Variants in LRCH3 observed in about 807,000 individuals in gnomAD.
The protein encoded by LRCH3 is DISP complex protein LRCH3.
In LRCH3, 68 loss-of-function variants were observed where a neutral mutation model predicts 104.5. The ratio of observed to expected loss-of-function variants is 0.65; its 90% CI spans 0.54 to 0.80. LRCH3 has a LOEUF of 0.80. LRCH3 is among the 30% of genes least tolerant of loss of function. The probability of loss-of-function intolerance (pLI) is 0.00; values close to 1 mark genes in which losing one functional copy is unlikely to be tolerated. For missense variants in LRCH3, 951 were observed against 953.9 expected (o/e 1.00, Z 0.04); for synonymous variants, 344 against 361.3 (o/e 0.95, Z 0.54).
chr3:197,852,771 C>G (rs1323425588), intron 13 of LRCH3, 151 bp downstream of exon 13: 10 of 773,086 alleles, frequency 1.3e-5, no homozygotes, highest in African/African-American at 3.5e-5. Context: ...GGAGATGATA[C>G]AAGCCAAGGA....
At chr3:197,804,074 A>G (rs1267734627) in intron 1 of LRCH3, among the ~76,000 whole-genome samples, 1 of 152,108 alleles carries the variant, frequency 6.6e-6, no homozygotes, top group Non-Finnish European at 1.5e-5. Flanking sequence ...CCTGACCAAC[A>G]TGGTGAAACC....
At chr3:197,855,492 A>G (rs1740127574) in intron 14 of LRCH3, among the ~76,000 whole-genome samples, 1 of 152,236 alleles carries the variant, frequency 6.6e-6, no homozygotes, top group Admixed American at 6.5e-5. Context: ...CTTTTTACAA[A>G]TGATTACTGA....
intron 19 of LRCH3, among the ~76,000 whole-genome samples, chr3:197,873,909 TACTTGGGAGGCAGAA>T (rs2109538845): frequency 6.6e-6 from 1 of 151,478 alleles, no homozygotes; most frequent in Admixed American, 6.6e-5. Context: ...TAGTCCCAGC[TACTTGGGAGGCAGAA>T]GCAGGAGAAT....
intron 17 of LRCH3, among the ~76,000 whole-genome samples, chr3:197,869,773 C>T (rs1711878999): frequency 1.5e-5 from 2 of 129,930 alleles, no homozygotes; most frequent in African/African-American, 3.1e-5. Context: ...TGCACTGTAC[C>T]TGCAGGAGGT....
intron 18 of LRCH3, among the ~76,000 whole-genome samples, chr3:197,871,017 CACTT>C (rs1042210069): frequency 9.2e-5 from 14 of 151,758 alleles, no homozygotes; most frequent in African/African-American, 2.9e-4. Context: ...ATAAATATCA[CACTT>C]ACACATATAT....
At chr3:197,833,780 C>T (rs922226274) in intron 8 of LRCH3, among the ~76,000 whole-genome samples, 11 of 152,154 alleles carry the variant, frequency 7.2e-5, no homozygotes, top group African/African-American at 2.7e-4. Context: ...GGTTCACCTT[C>T]ATGGCTTGTG....
intron 1 of LRCH3, among the ~76,000 whole-genome samples, chr3:197,804,381 A>G (rs1732240403): frequency 6.6e-6 from 1 of 152,124 alleles, no homozygotes. Context: ...ACATGGTTAG[A>G]GTTTGATGTT....
intron 1 of LRCH3, among the ~76,000 whole-genome samples, chr3:197,812,056 A>T (rs1034073750): frequency 2.6e-5 from 4 of 152,164 alleles, no homozygotes; most frequent in Non-Finnish European, 4.4e-5. Context: ...ATCCATTTTT[A>T]AGCATCTGTT....
chr3:197,829,734 A>G (rs1735678907), intron 6 of LRCH3, 61 bp downstream of exon 6: 1 of 1,178,106 alleles, frequency 8.5e-7, no homozygotes, highest in South Asian at 1.4e-5. Flanking sequence ...AATAAAATGG[A>G]TACTTAAATT....
chr3:197,871,445 G>C lies in LRCH3; in HGVS notation c.2113G>C (p.Val705Leu). The C allele has an allele frequency of 6.2e-7, 1 of 1,613,696 alleles. No individual in the cohort carries two copies. The highest frequency in any genetic ancestry group is 8.5e-7 in the Non-Finnish European group (1 of 1,179,696). ...ACCTCGATCTGTCCCAAGCATTCAT[G>C]TTCCCTCACCAGCTGTAGTAAGTTG... ...VRPRSVPSIHVPSPAVPKLTM... is the reference protein window; with the variant it reads ...VRPRSVPSIHLPSPAVPKLTM... The change falls in exon 19 of 21, where the codon GTT becomes CTT. Residue 705 changes from valine (V) to leucine (L), a missense_variant. Coordinates refer to ENST00000425562, the MANE Select transcript of LRCH3 (RefSeq NM_001365715.1).
intron 9 of LRCH3, among the ~76,000 whole-genome samples, chr3:197,838,665 T>C (rs1737298201): frequency 1.3e-5 from 2 of 152,248 alleles, no homozygotes; most frequent in African/African-American, 4.8e-5. Context: ...TGGTCTGTAT[T>C]TTAAACCAGT....
intron 19 of LRCH3, among the ~76,000 whole-genome samples, chr3:197,873,032 G>A (rs987408461): frequency 1.3e-5 from 2 of 152,136 alleles, no homozygotes. Flanking sequence ...GGAAGATGAG[G>A]GAGAAAATGC....
chr3:197,851,081 T>C (rs1553923524), intron 12 of LRCH3: 2 of 609,708 alleles, frequency 3.3e-6, no homozygotes, highest in Non-Finnish European at 6.0e-6. Context: ...AGGATTAAAA[T>C]CCTGTGATTA....
intron 17 of LRCH3, among the ~76,000 whole-genome samples, chr3:197,867,535 TG>T (rs1451709611): frequency 2.0e-5 from 3 of 151,662 alleles, no homozygotes; most frequent in South Asian, 2.1e-4. Context: ...CTGTGCAACA[TG>T]GCAAAACCCC....
intron 1 of LRCH3, among the ~76,000 whole-genome samples, chr3:197,803,529 G>C (rs970397916): frequency 7.9e-5 from 12 of 152,146 alleles, no homozygotes; most frequent in Non-Finnish European, 1.3e-4. Context: ...GCCAGGTGTG[G>C]TGATTTGCGC....
intron 8 of LRCH3, among the ~76,000 whole-genome samples, chr3:197,833,713 T>C (rs916082806): frequency 1.3e-5 from 2 of 152,208 alleles, no homozygotes; most frequent in Admixed American, 6.5e-5. Flanking sequence ...TTAAAGTTAA[T>C]GCTGCCTCTT....
chr3:197,807,192 G>GT (rs1732589875), intron 1 of LRCH3, among the ~76,000 whole-genome samples: 1 of 150,336 alleles, frequency 6.7e-6, no homozygotes. Flanking sequence ...CTTGAAGTGA[G>GT]TTTCTTGTAA....
intron 4 of LRCH3, 61 bp downstream of exon 4, chr3:197,820,491 A>T: frequency 9.0e-7 from 1 of 1,115,350 alleles, no homozygotes. Flanking sequence ...AAGCTCTCTC[A>T]GACCAATCAA....
chr3:197,864,610 CAAAAA>C (rs541948003), intron 15 of LRCH3, among the ~76,000 whole-genome samples: 1 of 95,732 alleles, frequency 1.0e-5, no homozygotes, highest in Non-Finnish European at 2.1e-5. Flanking sequence ...AACTCCATCT[CAAAAA>C]AAAAAAAACA....
Sources: allele counts gnomAD v4.1 joint callset (sites outside exome capture counted in the v4.1 genomes callset), GRCh38; gene constraint gnomAD v4.1.1; transcripts MANE v1.5; gene names NCBI Gene and HGNC (gene_info 2026-07-23, HGNC 2026-07-21).